KLHL20: variants seen among roughly 807,000 people sequenced by gnomAD.
KLHL20 encodes kelch like family member 20.
KLHL20 carries 29 observed loss-of-function variants against 69.5 expected under a neutral mutation model. The observed-to-expected ratio is 0.42, with a 90% confidence interval of 0.31 to 0.57. KLHL20 has a LOEUF of 0.57. Among genes scored for constraint, KLHL20 ranks in the 20% least tolerant of loss-of-function variants. The probability of loss-of-function intolerance (pLI) is 0.18; values close to 1 mark genes in which losing one functional copy is unlikely to be tolerated. For synonymous variants in KLHL20, 253 were observed against 265.2 expected, an observed-to-expected ratio of 0.95 and a Z score of 0.45; for missense variants, 419 against 776.0, an observed-to-expected ratio of 0.54 and a Z score of 5.47.
chr1:173,724,098 A>C (rs1671838303), intron 2 of KLHL20, among the ~76,000 whole-genome samples: 1 of 152,018 alleles, frequency 6.6e-6, no homozygotes, highest in Non-Finnish European at 1.5e-5. Context: ...CAAGGTTCTA[A>C]ACATATGTAT....
chr1:173,751,276 G>C (rs1455755114), intron 3 of KLHL20, among the ~76,000 whole-genome samples: 4 of 152,124 alleles, frequency 2.6e-5, no homozygotes, highest in Non-Finnish European at 5.9e-5. Flanking sequence ...ATATTAGAGA[G>C]TTTGATCGTC....
chr1:173,779,198 C>T (rs1319039795), intron 10 of KLHL20, among the ~76,000 whole-genome samples: 2 of 152,014 alleles, frequency 1.3e-5, no homozygotes, highest in East Asian at 3.8e-4. Flanking sequence ...TTCATTGACC[C>T]ACTGGTCATT....
At chr1:173,774,124 G>C (rs1273725966) in intron 8 of KLHL20, among the ~76,000 whole-genome samples, 181 bp from the exon 9 acceptor site, 1 of 152,010 alleles carries the variant, frequency 6.6e-6, no homozygotes, top group Admixed American at 6.6e-5. Flanking sequence ...TAGCTTAATA[G>C]CTGGCACAGA....
At chr1:173,741,896 A>C in intron 3 of KLHL20, 1 of 1,493,184 alleles carries the variant, frequency 6.7e-7, no homozygotes, top group Non-Finnish European at 9.2e-7. Flanking sequence ...CAAGGCTTAC[A>C]AGAAGGATGT....
chr1:173,774,601 C>T (rs1391505382), intron 9 of KLHL20, among the ~76,000 whole-genome samples, 163 bp downstream of exon 9: 1 of 152,148 alleles, frequency 6.6e-6, no homozygotes, highest in Non-Finnish European at 1.5e-5. Flanking sequence ...TCCTCAGCTC[C>T]CACTGTAGTC....
chr1:173,755,382 CTCTTAAAGTG>C lies in KLHL20; in HGVS notation c.852-534_852-525del, dbSNP rs530036960. Among the ~76,000 whole-genome samples, 99 of 152,272 alleles carry C rather than the reference CTCTTAAAGTG, an allele frequency of 6.5e-4. No individual in the cohort carries two copies. In the East Asian group the frequency reaches 8.1e-3, roughly 12 times the overall value. On this transcript the variant is annotated intron_variant, in intron 5 of 11. Coordinates refer to ENST00000209884, the MANE Select transcript of KLHL20 (RefSeq NM_014458.4). The stretch of plus-strand genomic sequence containing the variant: ...TTACATGTGTAATTACTAGACTCTT[CTCTTAAAGTG>C]TCTTAACAAGACAGGAAATATGTCT...
At chr1:173,775,960 C>A in intron 10 of KLHL20, 118 bp downstream of exon 10, 1 of 798,512 alleles carries the variant, frequency 1.3e-6, no homozygotes, top group Non-Finnish European at 2.0e-6. Flanking sequence ...GGGGTATATA[C>A]CTAGCAGTAA....
chr1:173,756,408 G>T (rs561906105), intron 6 of KLHL20, among the ~76,000 whole-genome samples: 1 of 147,878 alleles, frequency 6.8e-6, no homozygotes, highest in Admixed American at 6.6e-5. Flanking sequence ...GTGCATGTCT[G>T]TAGTCCCAGC....
intron 7 of KLHL20, among the ~76,000 whole-genome samples, chr1:173,759,193 T>C (rs865863516): frequency 3.3e-5 from 5 of 151,952 alleles, no homozygotes; most frequent in Admixed American, 6.5e-5. Flanking sequence ...GACCTAGGAA[T>C]CTCTTCCCCC....
intron 8 of KLHL20, among the ~76,000 whole-genome samples, chr1:173,766,493 A>G (rs551834937): frequency 4.6e-5 from 7 of 151,376 alleles, no homozygotes; most frequent in Non-Finnish European, 1.0e-4. Flanking sequence ...AAAAAAAAAA[A>G]AAATTAGCCG....
chr1:173,736,056 C>T (rs1672520892), intron 3 of KLHL20, among the ~76,000 whole-genome samples: 1 of 150,110 alleles, frequency 6.7e-6, no homozygotes, highest in Non-Finnish European at 1.5e-5. Flanking sequence ...AAGTGATTCT[C>T]CTGCCTCAGC....
At chr1:173,732,771 T>C (rs1387890048) in intron 2 of KLHL20, among the ~76,000 whole-genome samples, 1 of 152,172 alleles carries the variant, frequency 6.6e-6, no homozygotes, top group Non-Finnish European at 1.5e-5. Context: ...TTTATAATCA[T>C]ACCGAAACCT....
chr1:173,768,799 A>T (rs1647894931), intron 8 of KLHL20, among the ~76,000 whole-genome samples: 2 of 152,330 alleles, frequency 1.3e-5, no homozygotes, highest in Admixed American at 6.5e-5. Flanking sequence ...ATTTAACACA[A>T]AACTAAGGGA....
At chr1:173,722,849 C>G (rs894399794) in intron 2 of KLHL20, among the ~76,000 whole-genome samples, 5 of 152,070 alleles carry the variant, frequency 3.3e-5, no homozygotes, top group African/African-American at 1.2e-4. Flanking sequence ...GCCACCACAT[C>G]CAGCTAATTT....
intron 11 of KLHL20, among the ~76,000 whole-genome samples, chr1:173,782,603 A>G (rs1648949697): frequency 6.6e-6 from 1 of 152,122 alleles, no homozygotes; most frequent in African/African-American, 2.4e-5. Flanking sequence ...TGTCCATGCC[A>G]TTTTTTGGTG....
chr1:173,718,367 C>T (rs1268287155), intron 2 of KLHL20, among the ~76,000 whole-genome samples: 1 of 151,778 alleles, frequency 6.6e-6, no homozygotes, highest in Non-Finnish European at 1.5e-5. Context: ...GACAAAACCC[C>T]ATCTCTACAA....
intron 11 of KLHL20, 21 bp from the exon 12 acceptor site, chr1:173,785,142 A>C (rs761374434): frequency 6.3e-7 from 1 of 1,597,858 alleles, no homozygotes; most frequent in Non-Finnish European, 8.6e-7. Context: ...AGAAAATATG[A>C]TTATGTTTCT....
At chr1:173,769,342 C>T (rs1043144432) in intron 8 of KLHL20, among the ~76,000 whole-genome samples, 2 of 152,050 alleles carry the variant, frequency 1.3e-5, no homozygotes, top group Admixed American at 1.3e-4. Context: ...CATCTAGTCC[C>T]TGGGAACTCT....
At chr1:173,747,428 T>C (rs1468509085) in intron 3 of KLHL20, among the ~76,000 whole-genome samples, 1 of 152,072 alleles carries the variant, frequency 6.6e-6, no homozygotes, top group Non-Finnish European at 1.5e-5. Flanking sequence ...AATTCATTTG[T>C]TGTCTAAGTT....
Sources: allele counts gnomAD v4.1 joint callset (sites outside exome capture counted in the v4.1 genomes callset), GRCh38; gene constraint gnomAD v4.1.1; transcripts MANE v1.5; gene names NCBI Gene and HGNC (gene_info 2026-07-23, HGNC 2026-07-21).